TRAPPC10: variants seen among roughly 807,000 people sequenced by gnomAD.
TRAPPC10 encodes trafficking protein particle complex subunit 10.
TRAPPC10 carries 23 observed loss-of-function variants against 125.5 expected under a neutral mutation model. That is an observed-to-expected ratio of 0.18 (90% CI 0.13 to 0.26). The LOEUF (loss-of-function observed/expected upper bound fraction) is 0.26, where lower values mean the gene tolerates loss of function less well. Among genes scored for constraint, TRAPPC10 ranks in the 10% least tolerant of loss-of-function variants. The pLI is 1.00. For synonymous variants in TRAPPC10, 509 were observed against 518.0 expected (o/e 0.98, Z 0.24); for missense variants, 1,123 against 1,308.4 (o/e 0.86, Z 2.19).
In TRAPPC10 at chr21:44,012,368, G is replaced by A; in HGVS notation, c.-126G>A. 1 of 388,358 alleles carries A rather than the reference G, an allele frequency of 2.6e-6. No homozygotes were observed. Among genetic ancestry groups the A allele is most frequent in the Non-Finnish European group, 3.5e-6 (1 of 284,398 alleles). 24.1% of individuals were successfully genotyped at this position (388,358 alleles called of 1,614,324 possible). A position where few individuals can be genotyped will look rare whatever the true frequency, so the allele number is the denominator to read the frequency against. On this transcript the variant is annotated 5_prime_UTR_variant, in exon 1 of 23. Coordinates refer to ENST00000291574, the MANE Select transcript of TRAPPC10 (RefSeq NM_003274.5). ...AGCGGGCGGCAGCTGCGGCGCAACC[G>A]GCTCCGGAGCTGCCTGGCGCGGCCG...
chr21:44,089,466 C>A, intron 17 of TRAPPC10: 1 of 440,918 alleles, frequency 2.3e-6, no homozygotes, highest in Non-Finnish European at 4.6e-6. Context: ...TGACTGAAAG[C>A]ACTTTGTCAA....
intron 15 of TRAPPC10, among the ~76,000 whole-genome samples, chr21:44,085,079 A>G (rs970541520): frequency 2.0e-5 from 3 of 152,148 alleles, no homozygotes; most frequent in East Asian, 3.9e-4. Flanking sequence ...ACTGATGAGC[A>G]ACTCGACCTT....
At chr21:44,091,892 C>CA in intron 18 of TRAPPC10, 31 bp from the exon 19 acceptor site, 1 of 1,605,924 alleles carries the variant, frequency 6.2e-7, no homozygotes, top group South Asian at 1.1e-5. Flanking sequence ...TCTTACATAT[C>CA]AAAATAATAC....
At chr21:44,079,994 C>T in intron 12 of TRAPPC10, 21 bp from the exon 13 acceptor site, 2 of 1,605,842 alleles carry the variant, frequency 1.2e-6, no homozygotes, top group South Asian at 1.1e-5. Flanking sequence ...CCTCTCCACG[C>T]TCCTTACCTC....
chr21:44,064,343 G>C (rs958962667), intron 7 of TRAPPC10, among the ~76,000 whole-genome samples: 1 of 151,190 alleles, frequency 6.6e-6, no homozygotes, highest in African/African-American at 2.4e-5. Flanking sequence ...GTGTGTGAGT[G>C]TGAGAATGTA....
chr21:44,091,756 G>T (rs2038596142), intron 18 of TRAPPC10, 167 bp from the exon 19 acceptor site: 3 of 659,124 alleles, frequency 4.6e-6, no homozygotes, highest in African/African-American at 1.8e-5. Flanking sequence ...TTATTTTCTG[G>T]CACTTTTCGG....
chr21:44,039,118 T>G (rs1372076781), intron 3 of TRAPPC10, among the ~76,000 whole-genome samples: 2 of 152,216 alleles, frequency 1.3e-5, no homozygotes, highest in Admixed American at 1.3e-4. Flanking sequence ...GTTGTCCCCT[T>G]GCGATCAGTA....
intron 3 of TRAPPC10, among the ~76,000 whole-genome samples, chr21:44,039,338 G>T (rs1315397652): frequency 6.6e-6 from 1 of 152,236 alleles, no homozygotes; most frequent in Non-Finnish European, 1.5e-5. Context: ...GGTTGTCCCA[G>T]ATTTGGCCAT....
chr21:44,068,704 A>C (rs2036633930), intron 7 of TRAPPC10, among the ~76,000 whole-genome samples: 1 of 152,034 alleles, frequency 6.6e-6, no homozygotes, highest in Middle Eastern at 3.2e-3. Flanking sequence ...GGGTTCAGGC[A>C]ATTCTCCTGC....
At chr21:44,073,081 T>A (rs2037004033) in intron 7 of TRAPPC10, among the ~76,000 whole-genome samples, 2 of 152,238 alleles carry the variant, frequency 1.3e-5, no homozygotes, top group Non-Finnish European at 2.9e-5. Flanking sequence ...TGCAGCTTTA[T>A]GAAAGTGGCT....
chr21:44,026,124 G>T (rs2033042041), intron 1 of TRAPPC10, among the ~76,000 whole-genome samples: 1 of 151,922 alleles, frequency 6.6e-6, no homozygotes, highest in African/African-American at 2.4e-5. Context: ...GTCATCTTAG[G>T]GGGTGACTAA....
intron 1 of TRAPPC10, among the ~76,000 whole-genome samples, chr21:44,030,668 A>C (rs1385553682): frequency 6.6e-6 from 1 of 152,002 alleles, no homozygotes; most frequent in Non-Finnish European, 1.5e-5. Flanking sequence ...AGGTTTCTCC[A>C]TGTTGGTCAG....
In TRAPPC10 at chr21:44,032,142, A is replaced by G; in HGVS notation, c.119A>G (p.Gln40Arg). 1.2e-6 allele frequency: 2 copies of G among 1,614,058 alleles called. No individual in the cohort carries two copies. Among genetic ancestry groups the G allele is most frequent in the South Asian group, 2.2e-5 (2 of 91,058 alleles). ...FTSVYPTLSQ[Q>R]LPREPMEWRR... is the part of the protein sequence containing the mutation. Reference sequence around the variant, plus strand: ...TCTGTTTATCCAACGCTCTCTCAGCAGCTTCCAAGAGAACCAATGGAATGG... The same window carrying G: ...TCTGTTTATCCAACGCTCTCTCAGCGGCTTCCAAGAGAACCAATGGAATGG... Residue 40 changes from glutamine (Q) to arginine (R), a missense_variant, in exon 2 of 23, where the codon CAG (glutamine) becomes CGG (arginine). Gln to Arg is a conservative substitution (Grantham distance 43). This residue lies in a region of TRAPPC10 where 177 missense variants were observed against 228.9 expected (regional missense o/e 0.77). Transcript: ENST00000291574.
intron 1 of TRAPPC10, 21 bp downstream of exon 1, chr21:44,012,581 A>AGGGCGCGGC: frequency 6.5e-7 from 1 of 1,528,156 alleles, no homozygotes; most frequent in East Asian, 2.5e-5. Flanking sequence ...GGAGGCGGGG[A>AGGGCGCGGC]GGGCGCGGCG....
rs753301002 is a variant in TRAPPC10 at position 44,059,505 on chromosome 21, A to T, written c.790+291A>T. The T allele has an allele frequency of 2.6e-6, 2 of 757,022 alleles. No homozygotes were observed. The highest frequency in any genetic ancestry group is 2.8e-5 in the South Asian group (2 of 70,564). 46.9% of individuals were successfully genotyped at this position (757,022 alleles called of 1,614,324 possible). A position where few individuals can be genotyped will look rare whatever the true frequency, so the allele number is the denominator to read the frequency against. On this transcript the variant is annotated intron_variant, in intron 6 of 22. Transcript: ENST00000291574. This position sits in a 1 kb window ranked among gnomAD's most constrained non-coding sequence, Gnocchi z 4.4. ...TCCACAACTCAGTGGCCTGCTGGTG[A>T]TGCTTCGATTCTGTCCCTCGTTAGA...
chr21:44,057,447 G>A (rs2035690496), intron 5 of TRAPPC10, among the ~76,000 whole-genome samples: 1 of 151,898 alleles, frequency 6.6e-6, no homozygotes, highest in African/African-American at 2.4e-5. Context: ...ACAGGTCTGC[G>A]CCACCACGCC....
chr21:44,068,239 T>C (rs2036595694), intron 7 of TRAPPC10, among the ~76,000 whole-genome samples: 1 of 152,304 alleles, frequency 6.6e-6, no homozygotes, highest in East Asian at 1.9e-4. Flanking sequence ...CCTGGCCTTA[T>C]GAAGCTTACG....
chr21:44,013,623 G>A (rs556769887), intron 1 of TRAPPC10, among the ~76,000 whole-genome samples: 1 of 152,292 alleles, frequency 6.6e-6, no homozygotes, highest in East Asian at 1.9e-4. Flanking sequence ...AGATCCCTGA[G>A]AAACTGTATA....
chr21:44,078,702 G>A (rs904999067), intron 11 of TRAPPC10, among the ~76,000 whole-genome samples: 2 of 152,200 alleles, frequency 1.3e-5, no homozygotes, highest in African/African-American at 4.8e-5. Context: ...AGAGGAAGGT[G>A]CTCCTTAAGG....
Sources: gnomAD v4.1 joint callset for allele counts (sites outside exome capture counted in the v4.1 genomes callset) on GRCh38, gnomAD v4.1.1 for gene constraint, gnomAD v4.1.1 regional missense constraint, Gnocchi (gnomAD v3.1) non-coding constraint, MANE v1.5 for transcripts, NCBI Gene and HGNC (gene_info 2026-07-23, HGNC 2026-07-21) for gene names.